Variants in RUNX1 observed in about 807,000 individuals in gnomAD.
RUNX1 encodes the protein RUNX family transcription factor 1, also known as runt-related transcription factor 1.
RUNX1 carries 19 observed loss-of-function variants against 42.8 expected under a neutral mutation model. The ratio of observed to expected loss-of-function variants is 0.44; its 90% CI spans 0.31 to 0.65. The LOEUF is 0.65. RUNX1 is among the 30% of genes least tolerant of loss of function. RUNX1 has a pLI of 0.07. For synonymous variants in RUNX1, 271 were observed against 289.4 expected (o/e 0.94, Z 0.64); for missense variants, 528 against 672.0 (o/e 0.79, Z 2.37).
At position 34,880,607 on chromosome 21, in the gene RUNX1, T is replaced by G; in HGVS notation, c.458A>C (p.Asn153Thr). 6.2e-7 allele frequency: 1 copy of G among 1,614,122 alleles called. No individual in the cohort carries two copies. Among genetic ancestry groups the G allele is most frequent in the East Asian group, 2.2e-5 (1 of 44,884 alleles). ...GAGGTCATTAAATCTTGCAACCTGG[T>G]TCTTCATGGCTGCGGTAGCATTTCT... ...ELRNATAAMK[N>T]QVARFNDLRF... The change falls in exon 5 of 9, where the codon AAC (asparagine) becomes ACC (threonine). Residue 153 changes from asparagine to threonine, a missense_variant. Physicochemically the swap from Asn to Thr is moderately conservative, Grantham distance 65. This residue lies in a region of RUNX1 where 83 missense variants were observed against 174.5 expected (regional missense o/e 0.48). Coordinates refer to ENST00000675419, the MANE Select transcript of RUNX1 (RefSeq NM_001754.5).
At chr21:34,975,681 G>C (rs961592546) in intron 2 of RUNX1, among the ~76,000 whole-genome samples, 8 of 152,142 alleles carry the variant, frequency 5.3e-5, no homozygotes, top group African/African-American at 1.7e-4. Context: ...TGTGGGTTTA[G>C]AAGAGGGGAG....
intron 2 of RUNX1, among the ~76,000 whole-genome samples, chr21:34,943,159 C>G (rs554410766): frequency 3.3e-5 from 5 of 152,314 alleles, no homozygotes; most frequent in Middle Eastern, 6.8e-3. Context: ...AGCACAAATG[C>G]TTCAGTGAAA....
chr21:34,947,043 A>G (rs2058568458), intron 2 of RUNX1, among the ~76,000 whole-genome samples: 2 of 152,186 alleles, frequency 1.3e-5, no homozygotes, highest in African/African-American at 4.8e-5. Context: ...ACCCATAGTC[A>G]TAACACTCTC....
At chr21:35,000,647 T>C (rs1386493632) in intron 2 of RUNX1, among the ~76,000 whole-genome samples, 1 of 152,236 alleles carries the variant, frequency 6.6e-6, no homozygotes, top group Non-Finnish European at 1.5e-5. Flanking sequence ...ATAGCTATTT[T>C]ATTCATGTTC....
At chr21:34,908,967 G>GTGCTAGGGGTAAGATGTACAATCTCAC in intron 2 of RUNX1, among the ~76,000 whole-genome samples, 1 of 151,744 alleles carries the variant, frequency 6.6e-6, no homozygotes, top group Non-Finnish European at 1.5e-5. Context: ...GTGTATGTGT[G>GTGCTAGGGGTAAGATGTACAATCTCAC]TGCTAGGGGT....
At chr21:34,849,450 A>G (rs2057383745) in intron 6 of RUNX1, among the ~76,000 whole-genome samples, 1 of 78,892 alleles carries the variant, frequency 1.3e-5, no homozygotes, top group Admixed American at 2.4e-4. Context: ...TATACTATAT[A>G]TTATAATATA....
chr21:34,908,594 G>C (rs2058245026), intron 2 of RUNX1, among the ~76,000 whole-genome samples: 1 of 152,180 alleles, frequency 6.6e-6, no homozygotes. Context: ...CGGGGGAGGT[G>C]CAATCTCCAT....
chr21:34,937,246 T>C (rs1044723953), intron 2 of RUNX1, among the ~76,000 whole-genome samples: 16 of 151,740 alleles, frequency 1.1e-4, no homozygotes, highest in Non-Finnish European at 2.4e-4. Flanking sequence ...TTATTATTAT[T>C]GTTATTGTTA....
At chr21:34,851,620 G>T (rs1031768540) in intron 6 of RUNX1, among the ~76,000 whole-genome samples, 2 of 151,966 alleles carry the variant, frequency 1.3e-5, no homozygotes, top group Admixed American at 6.5e-5. Context: ...GTCATACAAT[G>T]AATTCTAACA....
At chr21:35,030,100 T>C (rs1368227282) in intron 2 of RUNX1, among the ~76,000 whole-genome samples, 1 of 152,082 alleles carries the variant, frequency 6.6e-6, no homozygotes, top group Non-Finnish European at 1.5e-5. Context: ...TCCAAGCACT[T>C]TGGGAGGCCA....
At chr21:34,897,682 T>C (rs562201964) in intron 2 of RUNX1, among the ~76,000 whole-genome samples, 13 of 152,198 alleles carry the variant, frequency 8.5e-5, no homozygotes, top group Non-Finnish European at 1.6e-4. Context: ...TGTAAAACTC[T>C]TGACCTCTTT....
At chr21:35,033,322 G>C (rs1372666638) in intron 2 of RUNX1, among the ~76,000 whole-genome samples, 1 of 152,238 alleles carries the variant, frequency 6.6e-6, no homozygotes, top group Admixed American at 6.5e-5. Context: ...GTTTTGGTAA[G>C]AGCAAATAAA....
intron 2 of RUNX1, among the ~76,000 whole-genome samples, chr21:34,924,863 C>T (rs2058381063): frequency 6.6e-6 from 1 of 152,176 alleles, no homozygotes; most frequent in African/African-American, 2.4e-5. Flanking sequence ...TCCTGGTTTG[C>T]ATATGGCCAT....
Position 34,790,813 on chromosome 21 carries a change from G to C in RUNX1, c.*1322C>G. On this transcript the variant is annotated 3_prime_UTR_variant, in exon 9 of 9. Coordinates refer to ENST00000675419, the MANE Select transcript of RUNX1 (RefSeq NM_001754.5). ...GGTGGGCCCTTAAATTGCTATAATC[G>C]TAACCCCTAAATTCATTGATTTGGT... 4.3e-6 allele frequency: 1 copy of C among 233,164 alleles called. No homozygotes were observed. The highest frequency in any genetic ancestry group is 6.0e-5 in the East Asian group (1 of 16,588). The allele number at this position is 233,164 out of a possible 1,614,324, so 14.4% of individuals were successfully genotyped here. A position where few individuals can be genotyped will look rare whatever the true frequency, so the allele number is the denominator to read the frequency against.
chr21:34,885,352 G>C (rs1442373770), intron 4 of RUNX1, among the ~76,000 whole-genome samples: 1 of 152,154 alleles, frequency 6.6e-6, no homozygotes, highest in Non-Finnish European at 1.5e-5. Context: ...GTCCATTTAG[G>C]CAAAGGGTTA....
chr21:34,816,212 C>G (rs911328826), intron 7 of RUNX1, among the ~76,000 whole-genome samples: 5 of 152,208 alleles, frequency 3.3e-5, no homozygotes, highest in African/African-American at 1.2e-4. Context: ...GACTTGCTGT[C>G]CCAGGAGCAA....
At chr21:35,022,921 A>ATAATAATAATAATAATAG (rs2059210209) in intron 2 of RUNX1, among the ~76,000 whole-genome samples, 1 of 149,994 alleles carries the variant, frequency 6.7e-6, no homozygotes, top group Non-Finnish European at 1.5e-5. Context: ...AATAATAATA[A>ATAATAATAATAATAATAG]GGCGGAGATT....
intron 2 of RUNX1, among the ~76,000 whole-genome samples, chr21:34,940,941 T>C (rs1266125407): frequency 6.6e-6 from 1 of 152,226 alleles, no homozygotes; most frequent in East Asian, 1.9e-4. Flanking sequence ...AATGAGCCAG[T>C]ACTATTAAAA....
At chr21:34,963,324 A>G (rs2058694673) in intron 2 of RUNX1, among the ~76,000 whole-genome samples, 1 of 152,180 alleles carries the variant, frequency 6.6e-6, no homozygotes, top group Admixed American at 6.5e-5. Context: ...GCACATCTGC[A>G]GAGAGGCTGT....
Sources: allele counts gnomAD v4.1 joint callset (sites outside exome capture counted in the v4.1 genomes callset), GRCh38; gene constraint gnomAD v4.1.1; regional missense constraint gnomAD v4.1.1; transcripts MANE v1.5; gene names NCBI Gene and HGNC (gene_info 2026-07-23, HGNC 2026-07-21).